Variants in SSBP2 observed in about 807,000 individuals in gnomAD.
SSBP2 encodes single-stranded DNA-binding protein 2.
SSBP2 carries 17 observed loss-of-function variants against 61.8 expected under a neutral mutation model. The ratio of observed to expected loss-of-function variants is 0.28; its 90% CI spans 0.19 to 0.41. SSBP2 has a LOEUF of 0.41. SSBP2 is among the 10% of genes least tolerant of loss of function. SSBP2 has a pLI of 1.00. For synonymous variants in SSBP2, 139 were observed against 141.3 expected (o/e 0.98, Z 0.12); for missense variants, 310 against 458.7 (o/e 0.68, Z 2.96).
At chr5:81,425,429 G>C (rs1339218719) in intron 16 of SSBP2, among the ~76,000 whole-genome samples, 1 of 152,098 alleles carries the variant, frequency 6.6e-6, no homozygotes, top group African/African-American at 2.4e-5. Context: ...ATGACAAAGG[G>C]GGTAAGGGAA....
At chr5:81,705,098 T>C (rs1310060841) in intron 1 of SSBP2, among the ~76,000 whole-genome samples, 2 of 152,054 alleles carry the variant, frequency 1.3e-5, no homozygotes, top group African/African-American at 4.8e-5. Context: ...GTATATAATA[T>C]ACAACAAATC....
chr5:81,473,882 C>T lies in SSBP2; in HGVS notation c.500-112G>A, dbSNP rs1043791127. 9.6e-5 allele frequency: 89 copies of T among 923,594 alleles called. 1 individual carries two copies. In the Admixed American group the frequency reaches 1.7e-3, roughly 18 times the overall value. The allele number at this position is 923,594 out of a possible 1,614,324, so 57.2% of individuals were successfully genotyped here. On this transcript the variant is annotated intron_variant, in intron 7 of 16. Coordinates refer to ENST00000320672, the MANE Select transcript of SSBP2 (RefSeq NM_012446.5). ...GTCTCATTTACCAAGAGTCTGAGTA[C>T]TGACACCATCTTACCTTGGCTTCCA...
At chr5:81,603,099 A>G (rs1744537673) in intron 4 of SSBP2, among the ~76,000 whole-genome samples, 1 of 152,222 alleles carries the variant, frequency 6.6e-6, no homozygotes, top group African/African-American at 2.4e-5. Context: ...ACTTAGTGGT[A>G]GAAATAAATA....
At chr5:81,499,360 C>T (rs768478603) in intron 5 of SSBP2, among the ~76,000 whole-genome samples, 5 of 152,062 alleles carry the variant, frequency 3.3e-5, no homozygotes, top group East Asian at 1.9e-4. Context: ...CAATATTGGC[C>T]GCTGATATTA....
chr5:81,428,475 A>G, intron 16 of SSBP2, 110 bp downstream of exon 16: 1 of 708,082 alleles, frequency 1.4e-6, no homozygotes, highest in Non-Finnish European at 2.4e-6. Context: ...CTAAAAGATA[A>G]ACCTGTTGAA....
intron 15 of SSBP2, 114 bp from the exon 16 acceptor site, chr5:81,428,797 T>C (rs1762112203): frequency 1.5e-6 from 1 of 669,642 alleles, no homozygotes; most frequent in East Asian, 2.8e-5. Flanking sequence ...ACTTCTAATT[T>C]TAATCTTAGA....
chr5:81,750,860 T>C (rs1161381418), intron 1 of SSBP2, 121 bp downstream of exon 1: 11 of 742,700 alleles, frequency 1.5e-5, no homozygotes, highest in East Asian at 5.7e-5. Context: ...CCCCTCCCCC[T>C]GCCAGCCCAC....
At chr5:81,662,337 G>A (rs960461679) in intron 1 of SSBP2, among the ~76,000 whole-genome samples, 4 of 151,940 alleles carry the variant, frequency 2.6e-5, no homozygotes, top group African/African-American at 7.2e-5. Context: ...CATGGTGGCA[G>A]ACGCCCGTAA....
At chr5:81,712,926 C>T (rs1478726056) in intron 1 of SSBP2, among the ~76,000 whole-genome samples, 1 of 151,678 alleles carries the variant, frequency 6.6e-6, no homozygotes, top group African/African-American at 2.4e-5. Context: ...CGGAGTTTCA[C>T]CAGCTTGTAC....
At chr5:81,671,102 ACT>A (rs1435651413) in intron 1 of SSBP2, among the ~76,000 whole-genome samples, 3 of 152,126 alleles carry the variant, frequency 2.0e-5, no homozygotes, top group Admixed American at 6.6e-5. Flanking sequence ...AGGGTCCACA[ACT>A]CTAATACCAC....
At chr5:81,504,222 A>C (rs1456135193) in intron 5 of SSBP2, among the ~76,000 whole-genome samples, 2 of 152,166 alleles carry the variant, frequency 1.3e-5, no homozygotes, top group Non-Finnish European at 2.9e-5. Context: ...GTGGTATAAT[A>C]ATCTCTTGTC....
intron 15 of SSBP2, among the ~76,000 whole-genome samples, chr5:81,428,935 C>A (rs554445240): frequency 3.9e-5 from 6 of 152,120 alleles, no homozygotes. Context: ...GCTTCAGAAT[C>A]AATATTTATT....
chr5:81,526,751 C>T (rs951597164), intron 4 of SSBP2, among the ~76,000 whole-genome samples: 3 of 152,020 alleles, frequency 2.0e-5, no homozygotes, highest in East Asian at 1.9e-4. Context: ...TTGTGCTCAG[C>T]AGACCTTTGT....
chr5:81,646,855 G>A (rs1253376199), intron 2 of SSBP2, among the ~76,000 whole-genome samples: 1 of 151,982 alleles, frequency 6.6e-6, no homozygotes, highest in East Asian at 1.9e-4. Flanking sequence ...TCTAGGAAAA[G>A]CTACTTCTAA....
At chr5:81,481,344 G>A (rs182781445) in intron 6 of SSBP2, among the ~76,000 whole-genome samples, 6 of 152,210 alleles carry the variant, frequency 3.9e-5, no homozygotes, top group East Asian at 1.9e-4. Flanking sequence ...AGAACTGGAC[G>A]GGTGCAGTGG....
At chr5:81,748,365 G>C (rs1581473877) in intron 1 of SSBP2, among the ~76,000 whole-genome samples, 1 of 152,008 alleles carries the variant, frequency 6.6e-6, no homozygotes, top group Non-Finnish European at 1.5e-5. Flanking sequence ...ACAAAAATCT[G>C]GTGACATCCA....
intron 1 of SSBP2, among the ~76,000 whole-genome samples, chr5:81,684,641 T>G (rs1752634598): frequency 6.6e-6 from 1 of 152,112 alleles, no homozygotes; most frequent in South Asian, 2.1e-4. Flanking sequence ...CCTATAGTCC[T>G]TTTGTTTTAG....
chr5:81,473,579 T>C, intron 8 of SSBP2, 121 bp downstream of exon 8: 2 of 850,214 alleles, frequency 2.4e-6, no homozygotes, highest in South Asian at 3.1e-5. Flanking sequence ...GCATTCCTTT[T>C]TATGGCTGCA....
At chr5:81,504,813 T>A (rs1469072023) in intron 5 of SSBP2, among the ~76,000 whole-genome samples, 1 of 152,174 alleles carries the variant, frequency 6.6e-6, no homozygotes, top group Non-Finnish European at 1.5e-5. Flanking sequence ...CTGGTATGAA[T>A]GGCAGGGGGG....
Sources: allele counts gnomAD v4.1 joint callset (sites outside exome capture counted in the v4.1 genomes callset), GRCh38; gene constraint gnomAD v4.1.1; transcripts MANE v1.5; gene names NCBI Gene and HGNC (gene_info 2026-07-23, HGNC 2026-07-21).